The following ASIC2 variants were observed in gnomAD, a reference collection of about 807,000 sequenced individuals.
The protein encoded by ASIC2 is acid sensing ion channel subunit 2, also known as acid-sensing ion channel 2.
Under a neutral mutation model 57.3 loss-of-function variants are expected in ASIC2, and 25 were observed. The ratio of observed to expected loss-of-function variants is 0.44; its 90% CI spans 0.32 to 0.61. ASIC2 has a LOEUF of 0.61. Among genes scored for constraint, ASIC2 ranks in the 20% least tolerant of loss-of-function variants. The pLI is 0.06. For missense variants in ASIC2, 641 were observed against 738.1 expected (o/e 0.87, Z 1.52); for synonymous variants, 319 against 307.5 (o/e 1.04, Z -0.39).
chr17:33,089,144 TG>T (rs2092147913), intron 2 of ASIC2, among the ~76,000 whole-genome samples, 154 bp from the exon 3 acceptor site: 2 of 152,080 alleles, frequency 1.3e-5, no homozygotes, highest in African/African-American at 2.4e-5. Flanking sequence ...CCAGAAACTG[TG>T]ACTAGGTTGC....
chr17:33,954,294 G>A (rs1197960223), intron 1 of ASIC2, among the ~76,000 whole-genome samples: 2 of 152,144 alleles, frequency 1.3e-5, no homozygotes, highest in Non-Finnish European at 2.9e-5. Flanking sequence ...AAGTTCTCAG[G>A]AGTGTGGTAT....
At chr17:33,764,807 C>T (rs1034518476) in intron 1 of ASIC2, among the ~76,000 whole-genome samples, 1 of 152,056 alleles carries the variant, frequency 6.6e-6, no homozygotes, top group African/African-American at 2.4e-5. Flanking sequence ...AGGGGACATT[C>T]GCACAATAGC....
At chr17:33,664,462 G>C (rs1907404328) in intron 1 of ASIC2, among the ~76,000 whole-genome samples, 1 of 152,150 alleles carries the variant, frequency 6.6e-6, no homozygotes, top group Non-Finnish European at 1.5e-5. Flanking sequence ...CCAAAGTGGA[G>C]TATACAAGAT....
chr17:33,579,179 G>C (rs1205213961), intron 1 of ASIC2, among the ~76,000 whole-genome samples: 1 of 151,622 alleles, frequency 6.6e-6, no homozygotes, highest in Non-Finnish European at 1.5e-5. Context: ...CCAGCTACTT[G>C]AGAGGCTGAG....
chr17:33,374,575 T>C (rs1274792284), intron 1 of ASIC2, among the ~76,000 whole-genome samples: 4 of 152,220 alleles, frequency 2.6e-5, no homozygotes, highest in Admixed American at 2.6e-4. Context: ...TGGCGTTATG[T>C]CAATTAAACT....
chr17:33,198,910 G>GC (rs1208610589), intron 1 of ASIC2, among the ~76,000 whole-genome samples: 2 of 152,160 alleles, frequency 1.3e-5, no homozygotes, highest in Non-Finnish European at 2.9e-5. Flanking sequence ...GTCCTGCTTG[G>GC]AGACCTGGCT....
intron 1 of ASIC2, among the ~76,000 whole-genome samples, chr17:33,513,535 G>C (rs1322271806): frequency 2.6e-5 from 4 of 152,246 alleles, no homozygotes; most frequent in African/African-American, 9.6e-5. Flanking sequence ...GAGACAGAAT[G>C]AAGAGGAGTT....
At chr17:33,776,183 T>C (rs1911271546) in intron 1 of ASIC2, among the ~76,000 whole-genome samples, 1 of 151,140 alleles carries the variant, frequency 6.6e-6, no homozygotes, top group South Asian at 2.1e-4. Context: ...CCTGCCTAAA[T>C]TCATATGTTG....
At chr17:33,314,047 T>C (rs1906542192) in intron 1 of ASIC2, among the ~76,000 whole-genome samples, 1 of 152,152 alleles carries the variant, frequency 6.6e-6, no homozygotes, top group Non-Finnish European at 1.5e-5. Flanking sequence ...TCCTCTGTGG[T>C]TATGTGTGGG....
At chr17:34,025,573 A>C (rs1174089918) in intron 1 of ASIC2, among the ~76,000 whole-genome samples, 1 of 152,190 alleles carries the variant, frequency 6.6e-6, no homozygotes, top group Non-Finnish European at 1.5e-5. Flanking sequence ...GGTTATAATG[A>C]CTTATATTTC....
At chr17:33,317,845 G>A (rs773338316) in intron 1 of ASIC2, among the ~76,000 whole-genome samples, 1 of 151,734 alleles carries the variant, frequency 6.6e-6, no homozygotes, top group Non-Finnish European at 1.5e-5. Flanking sequence ...TTTCAGCTGG[G>A]CTTTTGATTT....
intron 1 of ASIC2, among the ~76,000 whole-genome samples, chr17:33,470,719 A>G (rs997801265): frequency 6.6e-6 from 1 of 152,164 alleles, no homozygotes. Flanking sequence ...ATGCTTCTCT[A>G]TCTTGGACCT....
intron 1 of ASIC2, among the ~76,000 whole-genome samples, chr17:33,567,711 T>C (rs1032764272): frequency 3.3e-5 from 5 of 152,206 alleles, no homozygotes; most frequent in Admixed American, 3.3e-4. Flanking sequence ...ATTGGGTACA[T>C]GGAGGCACCT....
At chr17:33,474,597 G>T (rs7342837) in intron 1 of ASIC2, among the ~76,000 whole-genome samples, 1 of 151,834 alleles carries the variant, frequency 6.6e-6, no homozygotes, top group South Asian at 2.1e-4. Flanking sequence ...AGGGGCAGGC[G>T]CACAACCAGC....
intron 1 of ASIC2, among the ~76,000 whole-genome samples, chr17:33,862,998 A>G (rs1204114528): frequency 6.6e-6 from 1 of 152,206 alleles, no homozygotes; most frequent in African/African-American, 2.4e-5. Context: ...CTTCCAGCTT[A>G]ACCCAAACTT....
chr17:33,481,284 T>C (rs1158956976), intron 1 of ASIC2, among the ~76,000 whole-genome samples: 1 of 152,184 alleles, frequency 6.6e-6, no homozygotes, highest in Admixed American at 6.5e-5. Flanking sequence ...CTCTTCATAG[T>C]GGTTATTTCA....
intron 1 of ASIC2, among the ~76,000 whole-genome samples, chr17:33,136,656 G>C (rs2092368172): frequency 6.6e-6 from 1 of 152,224 alleles, no homozygotes; most frequent in African/African-American, 2.4e-5. Flanking sequence ...TGAGTCTGAA[G>C]AAGGGGCAAA....
At chr17:33,551,432 A>C (rs915713557) in intron 1 of ASIC2, among the ~76,000 whole-genome samples, 1 of 152,146 alleles carries the variant, frequency 6.6e-6, no homozygotes, top group Non-Finnish European at 1.5e-5. Flanking sequence ...GAGAAGTGAC[A>C]CCTTCACAGG....
intron 3 of ASIC2, among the ~76,000 whole-genome samples, chr17:33,048,367 CT>C (rs1232185134): frequency 1.7e-4 from 26 of 152,322 alleles, no homozygotes; most frequent in Middle Eastern, 6.8e-3. Flanking sequence ...AGCCCCATAG[CT>C]TCTTGATCAC....
Sources: allele counts gnomAD v4.1 joint callset (sites outside exome capture counted in the v4.1 genomes callset), GRCh38; gene constraint gnomAD v4.1.1; transcripts MANE v1.5; gene names NCBI Gene and HGNC (gene_info 2026-07-23, HGNC 2026-07-21).